The following FOXK1 variants were observed in gnomAD, a reference collection of about 807,000 sequenced individuals.
The protein encoded by FOXK1 is forkhead box K1.
Under a neutral mutation model 51.9 loss-of-function variants are expected in FOXK1, and 19 were observed. The ratio of observed to expected loss-of-function variants is 0.37; its 90% CI spans 0.26 to 0.54. The LOEUF (loss-of-function observed/expected upper bound fraction) is 0.54, where lower values mean the gene tolerates loss of function less well. Among genes scored for constraint, FOXK1 ranks in the 20% least tolerant of loss-of-function variants. The pLI, the probability that FOXK1 is intolerant of heterozygous loss-of-function variation, is 0.87. For missense variants in FOXK1, 870 were observed against 1,032.7 expected, an observed-to-expected ratio of 0.84 and a Z score of 2.16; for synonymous variants, 537 against 482.6, an observed-to-expected ratio of 1.11 and a Z score of -1.48.
Position 4,735,599 on chromosome 7 carries a change from A to G in FOXK1, c.561-5239A>G, listed in dbSNP as rs1039871596. Among the ~76,000 whole-genome samples the G allele has an allele frequency of 2.0e-5, 3 of 152,112 alleles. No homozygotes were observed. Among genetic ancestry groups the G allele is most frequent in the Admixed American group, 6.6e-5 (1 of 15,262 alleles). The stretch of plus-strand genomic sequence containing the variant: ...AGAATGTTCTGGAGAGATGTCCTCC[A>G]CAGATGGGCACTTGCTCGTACAGGA... On this transcript the variant is annotated intron_variant, in intron 1 of 8. Transcript: ENST00000328914. The surrounding 1 kb of genome is among the most constrained non-coding windows in gnomAD (Gnocchi z 4.7).
chr7:4,730,297 C>T lies in FOXK1; in HGVS notation c.561-10541C>T, dbSNP rs780142381. 2.6e-5 allele frequency among the ~76,000 whole-genome samples: 4 copies of T among 152,212 alleles called. No homozygotes were observed. Among genetic ancestry groups the T allele is most frequent in the South Asian group, 4.1e-4 (2 of 4,834 alleles). On this transcript the variant is annotated intron_variant, in intron 1 of 8. Transcript: ENST00000328914. This position sits in a 1 kb window ranked among gnomAD's most constrained non-coding sequence, Gnocchi z 4.7. ...ACTGCGAGAACGGAGGGCCCAGAGCCGAGTACACTCGGCCAGGGTGAGTGA... is the reference window on the plus strand; with the variant it reads ...ACTGCGAGAACGGAGGGCCCAGAGCTGAGTACACTCGGCCAGGGTGAGTGA...
intron 1 of FOXK1, among the ~76,000 whole-genome samples, chr7:4,716,811 C>T (rs1272841246): frequency 2.6e-5 from 4 of 152,226 alleles, no homozygotes; most frequent in Admixed American, 2.6e-4. Flanking sequence ...CAGATGTCTA[C>T]AAGTTTTCAT....
rs1304660921 is a variant in FOXK1 at position 4,709,963 on chromosome 7, A to C, written c.560+27095A>C. 3.3e-5 allele frequency among the ~76,000 whole-genome samples: 5 copies of C among 152,228 alleles called. No individual in the cohort carries two copies. Among genetic ancestry groups the C allele is most frequent in the Admixed American group, 6.5e-5 (1 of 15,288 alleles). On this transcript the variant is annotated intron_variant, in intron 1 of 8. Coordinates refer to ENST00000328914, the MANE Select transcript of FOXK1 (RefSeq NM_001037165.2). The surrounding 1 kb of genome is among the most constrained non-coding windows in gnomAD (Gnocchi z 5.6). ...TAGGCGTTAACATTGTTCCCGCGTG[A>C]AGGGGTAGAAGAACAGGCAAAATCC... is the stretch of plus-strand genomic sequence containing the variant.
At chr7:4,686,276 A>AG (rs1285316459) in intron 1 of FOXK1, among the ~76,000 whole-genome samples, 1 of 152,154 alleles carries the variant, frequency 6.6e-6, no homozygotes, top group Non-Finnish European at 1.5e-5. Flanking sequence ...CATTTTCCAA[A>AG]GCTGTGTTGT....
rs1032207633 is a variant in FOXK1, at chr7:4,734,039, A to G, written c.561-6799A>G. Reference sequence around the variant, plus strand: ...TTCACCTGGCGCAGGGAAGGCCATCAGACTTCCAGCTCGTCACCCATGTCC... The same window carrying G: ...TTCACCTGGCGCAGGGAAGGCCATCGGACTTCCAGCTCGTCACCCATGTCC... On this transcript the variant is annotated intron_variant, in intron 1 of 8. Coordinates refer to ENST00000328914, the MANE Select transcript of FOXK1 (RefSeq NM_001037165.2). This position sits in a 1 kb window ranked among gnomAD's most constrained non-coding sequence, Gnocchi z 5.2. Among the ~76,000 whole-genome samples, 1 of 151,982 alleles carries G rather than the reference A, an allele frequency of 6.6e-6. No homozygotes were observed.
intron 1 of FOXK1, among the ~76,000 whole-genome samples, chr7:4,685,221 C>CTTTTTTTTTTTTTTT (rs55891300): frequency 1.9e-5 from 2 of 102,616 alleles, no homozygotes; most frequent in Non-Finnish European, 2.0e-5. Context: ...GAGCTATTTG[C>CTTTTTTTTTTTTTTT]TTTTTTTTTT....
chr7:4,700,466 C>T (rs1780007500), intron 1 of FOXK1, among the ~76,000 whole-genome samples: 1 of 152,164 alleles, frequency 6.6e-6, no homozygotes, highest in South Asian at 2.1e-4. Context: ...GGCACACTTC[C>T]TTTTTCATAA....
chr7:4,745,065 C>G lies in FOXK1; in HGVS notation c.746+4042C>G, dbSNP rs771011958. Among the ~76,000 whole-genome samples the G allele has an allele frequency of 6.6e-6, 1 of 152,228 alleles. No homozygotes were observed. On this transcript the variant is annotated intron_variant, in intron 2 of 8. Coordinates refer to ENST00000328914, the MANE Select transcript of FOXK1 (RefSeq NM_001037165.2). The surrounding 1 kb of genome is among the most constrained non-coding windows in gnomAD (Gnocchi z 4.3). ...TGGAGCCGGCGTGTTTACAAACACT[C>G]CCTGCCCTTCCCTGCCACCTCCCCA...
intron 2 of FOXK1, among the ~76,000 whole-genome samples, chr7:4,742,970 C>A (rs551855215): frequency 2.1e-4 from 32 of 152,304 alleles, no homozygotes; most frequent in African/African-American, 7.2e-4. Flanking sequence ...AAAGGAGAGG[C>A]CCCGGGCTCA....
chr7:4,728,826 T>C (rs934808097), intron 1 of FOXK1, among the ~76,000 whole-genome samples: 1 of 150,570 alleles, frequency 6.6e-6, no homozygotes. Flanking sequence ...GCTGCCTAGA[T>C]AGAGAAGGGG....
rs775092585 is a variant in FOXK1 at position 4,757,170 on chromosome 7, C to T, written c.1227C>T (p.Phe409=). 7.5e-6 allele frequency: 12 copies of T among 1,609,066 alleles called. No homozygotes were observed. The highest frequency in any genetic ancestry group is 2.2e-5 in the South Asian group (2 of 90,734). The change falls in exon 5 of 9, where the codon TTC becomes TTT. Residue 409 remains phenylalanine, a synonymous_variant. Coordinates refer to ENST00000328914, the MANE Select transcript of FOXK1 (RefSeq NM_001037165.2). The part of the protein sequence containing the change: ...QRGVSCFRTP[F]GPLSSRSAPA... ...GTGTCTCCTGCTTCCGCACCCCCTTCGGGCCTCTGTCCTCAAGGTAAAGTT... is the reference window on the plus strand; with the variant it reads ...GTGTCTCCTGCTTCCGCACCCCCTTTGGGCCTCTGTCCTCAAGGTAAAGTT...
rs554865660 is a variant in FOXK1 at position 4,725,420 on chromosome 7, C to T, written c.561-15418C>T. Among the ~76,000 whole-genome samples, 11 of 152,338 alleles carry T rather than the reference C, an allele frequency of 7.2e-5. No homozygotes were observed. In the South Asian group the frequency reaches 1.7e-3, roughly 23 times the overall value. On this transcript the variant is annotated intron_variant, in intron 1 of 8. Transcript: ENST00000328914. ...TCACTGCTGTTGCCCAAAGTGAAAC[C>T]GGGCTTAGTTGTTGTCTCAGGAGCC... is the stretch of plus-strand genomic sequence containing the variant.
At chr7:4,696,283 T>A (rs1002920527) in intron 1 of FOXK1, among the ~76,000 whole-genome samples, 7 of 152,118 alleles carry the variant, frequency 4.6e-5, no homozygotes, top group South Asian at 2.1e-4. Context: ...ACAAGCTTGC[T>A]GATGTAGGGG....
At chr7:4,741,074 T>C in intron 2 of FOXK1, 51 bp downstream of exon 2, 1 of 1,318,676 alleles carries the variant, frequency 7.6e-7, no homozygotes, top group Non-Finnish European at 1.0e-6. Flanking sequence ...AGGGGGATGA[T>C]GCGAGCGTGC....
chr7:4,696,932 G>T (rs1427965095), intron 1 of FOXK1, among the ~76,000 whole-genome samples: 2 of 152,148 alleles, frequency 1.3e-5, no homozygotes, highest in Admixed American at 6.6e-5. Flanking sequence ...GCCAGGCATG[G>T]TGGTGTGCTC....
chr7:4,754,746 G>C, intron 3 of FOXK1, 131 bp downstream of exon 3: 1 of 1,160,422 alleles, frequency 8.6e-7, no homozygotes, highest in South Asian at 1.5e-5. Flanking sequence ...ACAGGGAATG[G>C]AGCCGCAGCT....
intron 2 of FOXK1, among the ~76,000 whole-genome samples, chr7:4,741,881 G>A (rs1318918331): frequency 1.3e-5 from 2 of 152,208 alleles, no homozygotes; most frequent in Non-Finnish European, 2.9e-5. Flanking sequence ...CGAACCTCAG[G>A]CGACAGCCTG....
In FOXK1 at chr7:4,747,212, G is replaced by C. The variant is rs1433596740; in HGVS notation, c.746+6189G>C. 2.0e-5 allele frequency among the ~76,000 whole-genome samples: 3 copies of C among 152,218 alleles called. No homozygotes were observed. The highest frequency in any genetic ancestry group is 4.4e-5 in the Non-Finnish European group (3 of 68,038). Reference sequence around the variant, plus strand: ...TCGGGTGACAAGCGGCTTGTGTGGAGTAGGCCTGTTGCATGGCTTCTGTGC... The same window carrying C: ...TCGGGTGACAAGCGGCTTGTGTGGACTAGGCCTGTTGCATGGCTTCTGTGC... On this transcript the variant is annotated intron_variant, in intron 2 of 8. Transcript: ENST00000328914. The surrounding 1 kb of genome is among the most constrained non-coding windows in gnomAD (Gnocchi z 9.2).
In FOXK1 at chr7:4,734,040, G is replaced by C. The variant is rs142530286; in HGVS notation, c.561-6798G>C. 2.0e-3 allele frequency among the ~76,000 whole-genome samples: 304 copies of C among 152,182 alleles called. 1 individual carries two copies. Among genetic ancestry groups the C allele is most frequent in the South Asian group, 3.1e-3 (15 of 4,818 alleles). ...TCACCTGGCGCAGGGAAGGCCATCAGACTTCCAGCTCGTCACCCATGTCCT... is the reference window on the plus strand; with the variant it reads ...TCACCTGGCGCAGGGAAGGCCATCACACTTCCAGCTCGTCACCCATGTCCT... On this transcript the variant is annotated intron_variant, in intron 1 of 8. Transcript: ENST00000328914. The surrounding 1 kb of genome is among the most constrained non-coding windows in gnomAD (Gnocchi z 5.2).
Sources: gnomAD v4.1 joint callset for allele counts (sites outside exome capture counted in the v4.1 genomes callset) on GRCh38, gnomAD v4.1.1 for gene constraint, Gnocchi (gnomAD v3.1) non-coding constraint, MANE v1.5 for transcripts, NCBI Gene and HGNC (gene_info 2026-07-23, HGNC 2026-07-21) for gene names.